The following RAPGEF2 variants were observed in gnomAD, a reference collection of about 807,000 sequenced individuals.
The protein encoded by RAPGEF2 is Rap guanine nucleotide exchange factor 2, also known as PDZ domain containing guanine nucleotide exchange factor (GEF) 1.
RAPGEF2 carries 54 observed loss-of-function variants against 186.7 expected under a neutral mutation model. That is an observed-to-expected ratio of 0.29 (90% CI 0.23 to 0.36). The LOEUF (loss-of-function observed/expected upper bound fraction) is 0.36. Among genes scored for constraint, RAPGEF2 ranks in the 10% least tolerant of loss-of-function variants. The probability of loss-of-function intolerance (pLI) is 1.00; values close to 1 mark genes in which losing one functional copy is unlikely to be tolerated. For missense variants in RAPGEF2, 1,532 were observed against 2,045.0 expected (o/e 0.75, Z 4.84); for synonymous variants, 712 against 705.9 (o/e 1.01, Z -0.14).
intron 1 of RAPGEF2, among the ~76,000 whole-genome samples, chr4:159,119,720 A>G (rs1190004106): frequency 1.3e-5 from 2 of 152,234 alleles, no homozygotes; most frequent in African/African-American, 4.8e-5. Context: ...TAAAAATACT[A>G]GTGGGTGAGC....
intron 7 of RAPGEF2, among the ~76,000 whole-genome samples, chr4:159,249,984 C>T (rs1053859534): frequency 1.3e-5 from 2 of 151,748 alleles, no homozygotes; most frequent in Non-Finnish European, 2.9e-5. Context: ...TAAAATTACT[C>T]GTATTGGGAA....
At chr4:159,125,658 T>G (rs988976712) in intron 1 of RAPGEF2, among the ~76,000 whole-genome samples, 1 of 151,712 alleles carries the variant, frequency 6.6e-6, no homozygotes, top group South Asian at 2.1e-4. Flanking sequence ...CTCAGGAGGC[T>G]GAGGCAGGAG....
At chr4:159,177,149 A>G (rs1746523758) in intron 1 of RAPGEF2, among the ~76,000 whole-genome samples, 1 of 152,164 alleles carries the variant, frequency 6.6e-6, no homozygotes, top group East Asian at 1.9e-4. Context: ...AACCTAATAT[A>G]AAAATCTGGA....
intron 1 of RAPGEF2, among the ~76,000 whole-genome samples, chr4:159,117,995 C>T (rs952115633): frequency 4.6e-5 from 7 of 151,714 alleles, no homozygotes; most frequent in Non-Finnish European, 1.5e-5. Context: ...GAAATTTTCA[C>T]CATGGGTGGG....
chr4:159,152,387 T>C (rs13126041), intron 1 of RAPGEF2, among the ~76,000 whole-genome samples: 94,149 of 152,100 alleles, frequency 0.62, 29,782 homozygotes, highest in African/African-American at 0.75. Context: ...TTCTAAAACT[T>C]AAATCTGGAC....
chr4:159,306,406 G>T (rs1763308891), intron 8 of RAPGEF2, among the ~76,000 whole-genome samples: 1 of 151,976 alleles, frequency 6.6e-6, no homozygotes, highest in Non-Finnish European at 1.5e-5. Context: ...AAATGAGATT[G>T]CTTTCTTGAT....
chr4:159,286,053 CCACCACCA>C, intron 7 of RAPGEF2, among the ~76,000 whole-genome samples: 1 of 139,912 alleles, frequency 7.1e-6, no homozygotes, highest in African/African-American at 2.6e-5. Context: ...ACCACCACCA[CCACCACCA>C]CCACCACCAC....
chr4:159,259,628 C>G (rs1756570140), intron 7 of RAPGEF2, among the ~76,000 whole-genome samples: 1 of 152,110 alleles, frequency 6.6e-6, no homozygotes, highest in African/African-American at 2.4e-5. Flanking sequence ...AAGCCAAAAT[C>G]TTGCAGAAAG....
At chr4:159,273,025 T>G (rs902383837) in intron 7 of RAPGEF2, among the ~76,000 whole-genome samples, 3 of 152,208 alleles carry the variant, frequency 2.0e-5, no homozygotes, top group African/African-American at 7.2e-5. Flanking sequence ...TTTTGATTGA[T>G]GGATTTTCCT....
chr4:159,265,557 A>G (rs1364680565), intron 7 of RAPGEF2, among the ~76,000 whole-genome samples: 1 of 152,200 alleles, frequency 6.6e-6, no homozygotes, highest in Non-Finnish European at 1.5e-5. Flanking sequence ...AGTCTGGAAA[A>G]TGTATAAATC....
intron 1 of RAPGEF2, among the ~76,000 whole-genome samples, chr4:159,165,116 T>C (rs777475121): frequency 6.6e-6 from 1 of 152,192 alleles, no homozygotes; most frequent in African/African-American, 2.4e-5. Flanking sequence ...GCTTATTTAA[T>C]ATGACATCAG....
At chr4:159,276,422 G>C (rs1314052153) in intron 7 of RAPGEF2, among the ~76,000 whole-genome samples, 3 of 152,070 alleles carry the variant, frequency 2.0e-5, no homozygotes, top group Admixed American at 2.0e-4. Flanking sequence ...CAAAATCATA[G>C]TATTTTAGGG....
intron 1 of RAPGEF2, among the ~76,000 whole-genome samples, chr4:159,158,190 G>A (rs1744331062): frequency 6.6e-6 from 1 of 152,176 alleles, no homozygotes; most frequent in African/African-American, 2.4e-5. Flanking sequence ...AGAGGCAATA[G>A]TCCTCTTAAT....
intron 1 of RAPGEF2, among the ~76,000 whole-genome samples, chr4:159,141,596 T>TTA (rs1480543887): frequency 2.9e-5 from 4 of 136,494 alleles, no homozygotes; most frequent in East Asian, 4.0e-4. Context: ...ATATATATAT[T>TTA]TATATATATT....
intron 4 of RAPGEF2, among the ~76,000 whole-genome samples, chr4:159,216,011 G>C (rs1364295913): frequency 2.0e-5 from 3 of 152,234 alleles, no homozygotes; most frequent in African/African-American, 7.2e-5. Flanking sequence ...ATCTGTCACT[G>C]AAAATGTACT....
In RAPGEF2 at chr4:159,310,322, C is replaced by T. The variant is rs536863212; in HGVS notation, c.676-4269C>T. On this transcript the variant is annotated intron_variant, in intron 8 of 29. Transcript: ENST00000691494. ...TTTGGGGAAGCAACCTAACGATTTACATTAAGAGCTTTAAAAAATTGTTCT... is the reference window on the plus strand; with the variant it reads ...TTTGGGGAAGCAACCTAACGATTTATATTAAGAGCTTTAAAAAATTGTTCT... Among the ~76,000 whole-genome samples, 3 of 152,204 alleles carry T rather than the reference C, an allele frequency of 2.0e-5. No homozygotes were observed. In the South Asian group the frequency reaches 6.2e-4, roughly 32 times the overall value.
In RAPGEF2 at chr4:159,331,611, T is replaced by C. The variant is rs750913546; in HGVS notation, c.1576-19T>C. 2 of 1,613,858 alleles carry C rather than the reference T, an allele frequency of 1.2e-6. No individual in the cohort carries two copies. The highest frequency in any genetic ancestry group is 1.7e-6 in the Non-Finnish European group (2 of 1,179,734). On this transcript the variant is annotated intron_variant, in intron 14 of 29. Transcript: ENST00000691494. Reference sequence around the variant, plus strand: ...CAGCCTGTTCTTGAGTTGACACTACTGTTTCTGAACTCTTAAAGAAAATGG... The same window carrying C: ...CAGCCTGTTCTTGAGTTGACACTACCGTTTCTGAACTCTTAAAGAAAATGG...
chr4:159,230,111 A>AT (rs1752472811), intron 4 of RAPGEF2, among the ~76,000 whole-genome samples: 1 of 152,188 alleles, frequency 6.6e-6, no homozygotes, highest in African/African-American at 2.4e-5. Flanking sequence ...TAGTGATCAC[A>AT]TTTTCATTCT....
In RAPGEF2 at chr4:159,358,280, GCTT is replaced by G. The variant is rs1732336176; in HGVS notation, c.*147_*149del. ...TTCCCTGCCTTAAAAGCAGCATGGG[GCTT>G]CTTCTCCCCTTCTTCCTTTCCCCTT... On this transcript the variant is annotated 3_prime_UTR_variant, in exon 30 of 30. Coordinates refer to ENST00000691494, the MANE Select transcript of RAPGEF2 (RefSeq NM_001394067.2). 1 of 723,172 alleles carries G rather than the reference GCTT, an allele frequency of 1.4e-6. No individual in the cohort carries two copies. Among genetic ancestry groups the G allele is most frequent in the East Asian group, 2.8e-5 (1 of 36,120 alleles). The allele number at this position is 723,172 out of a possible 1,614,324, so 44.8% of individuals were successfully genotyped here. A position where few individuals can be genotyped will look rare whatever the true frequency, so the allele number is the denominator to read the frequency against.
Sources: allele counts gnomAD v4.1 joint callset (sites outside exome capture counted in the v4.1 genomes callset), GRCh38; gene constraint gnomAD v4.1.1; transcripts MANE v1.5; gene names NCBI Gene and HGNC (gene_info 2026-07-23, HGNC 2026-07-21).